Variants in PKIB observed in about 807,000 individuals in gnomAD.
The protein encoded by PKIB is cAMP-dependent protein kinase inhibitor beta.
PKIB carries 2 observed loss-of-function variants against 4.5 expected under a neutral mutation model. The ratio of observed to expected loss-of-function variants is 0.44; its 90% CI spans 0.18 to 1.39. The LOEUF (loss-of-function observed/expected upper bound fraction) is 1.39. Ranked by LOEUF, PKIB falls within the 40% of genes most tolerant of loss-of-function variation. PKIB has a pLI of 0.27. For synonymous variants in PKIB, 38 were observed against 36.0 expected, an observed-to-expected ratio of 1.06 and a Z score of -0.20; for missense variants, 94 against 92.6, an observed-to-expected ratio of 1.02 and a Z score of -0.06.
At chr6:122,659,284 G>A (rs956382723) in intron 2 of PKIB, among the ~76,000 whole-genome samples, 2 of 152,082 alleles carry the variant, frequency 1.3e-5, no homozygotes, top group South Asian at 2.1e-4. Context: ...AGAGTTCTAC[G>A]TACATGTGGA....
intron 3 of PKIB, among the ~76,000 whole-genome samples, chr6:122,694,584 G>A (rs967446318): frequency 2.0e-5 from 3 of 152,160 alleles, no homozygotes; most frequent in African/African-American, 7.2e-5. Context: ...ATTTAATCAA[G>A]TGTTAAAGTG....
intron 2 of PKIB, among the ~76,000 whole-genome samples, chr6:122,492,311 C>T: frequency 6.6e-6 from 1 of 152,074 alleles, no homozygotes; most frequent in East Asian, 1.9e-4. Flanking sequence ...AAAAACTGAG[C>T]AGAGGAAAAG....
intron 2 of PKIB, among the ~76,000 whole-genome samples, chr6:122,583,902 T>C (rs1027534312): frequency 8.5e-5 from 13 of 152,118 alleles, no homozygotes; most frequent in Admixed American, 2.6e-4. Flanking sequence ...ATGCCCCTTT[T>C]CGCAGTTTCA....
chr6:122,711,274 T>C (rs1333347381), intron 3 of PKIB, among the ~76,000 whole-genome samples: 2 of 152,178 alleles, frequency 1.3e-5, no homozygotes, highest in East Asian at 3.9e-4. Flanking sequence ...TCCCTGTAGA[T>C]AGCTGGGTTT....
intron 1 of PKIB, among the ~76,000 whole-genome samples, chr6:122,626,601 G>A (rs1273369979): frequency 6.6e-6 from 1 of 152,194 alleles, no homozygotes; most frequent in African/African-American, 2.4e-5. Context: ...CAGCCTTCCA[G>A]GAAGAGCAAA....
At chr6:122,595,367 A>G (rs2114731071) in intron 3 of PKIB, among the ~76,000 whole-genome samples, 1 of 152,310 alleles carries the variant, frequency 6.6e-6, no homozygotes, top group South Asian at 2.1e-4. Flanking sequence ...AAACATGGTA[A>G]GACTAGTGAA....
intron 2 of PKIB, among the ~76,000 whole-genome samples, chr6:122,669,278 T>C (rs1296945967): frequency 6.6e-6 from 1 of 152,212 alleles, no homozygotes; most frequent in Non-Finnish European, 1.5e-5. Flanking sequence ...TGTTCAGAAC[T>C]GTAATTAATG....
intron 1 of PKIB, among the ~76,000 whole-genome samples, chr6:122,620,258 T>C (rs1397719350): frequency 6.6e-6 from 1 of 152,198 alleles, no homozygotes; most frequent in Non-Finnish European, 1.5e-5. Context: ...CTCCCATCCT[T>C]CTTCTGTCCT....
At position 122,636,423 on chromosome 6, in the gene PKIB, A is replaced by G. The variant is rs554033823; in HGVS notation, c.-76+3056A>G. Among the ~76,000 whole-genome samples, 66 of 152,186 alleles carry G rather than the reference A, an allele frequency of 4.3e-4. 1 individual carries two copies. The South Asian group carries it at 0.013, about 31-fold the overall frequency. ...TTTCTATGACAGCAACAAATAAAAA[A>G]CATTTAAAAATCTCATCATAACAAT... On this transcript the variant is annotated intron_variant, in intron 2 of 4. Coordinates refer to ENST00000368452, the MANE Select transcript of PKIB (RefSeq NM_181795.3).
chr6:122,498,010 C>T (rs1190898069), intron 2 of PKIB, among the ~76,000 whole-genome samples: 3 of 152,138 alleles, frequency 2.0e-5, no homozygotes, highest in Non-Finnish European at 2.9e-5. Context: ...ATAATACCAA[C>T]CATACTTTTG....
At chr6:122,614,104 T>A (rs772476490) in intron 1 of PKIB, among the ~76,000 whole-genome samples, 21 of 152,198 alleles carry the variant, frequency 1.4e-4, no homozygotes, top group Non-Finnish European at 2.6e-4. Context: ...GGATTTGTGT[T>A]CTTCAGTCAC....
chr6:122,706,864 T>C (rs748357340), intron 3 of PKIB, among the ~76,000 whole-genome samples: 26 of 152,106 alleles, frequency 1.7e-4, no homozygotes, highest in South Asian at 4.1e-4. Context: ...AGGGAATAAC[T>C]ATTATAATTT....
chr6:122,713,212 C>T (rs1779341888), intron 3 of PKIB, among the ~76,000 whole-genome samples: 1 of 152,078 alleles, frequency 6.6e-6, no homozygotes, highest in Non-Finnish European at 1.5e-5. Context: ...TGTGGGATTG[C>T]AAGGACTTTT....
chr6:122,520,696 A>T (rs1776915627), intron 2 of PKIB, among the ~76,000 whole-genome samples: 1 of 114,444 alleles, frequency 8.7e-6, no homozygotes, highest in South Asian at 2.9e-4. Context: ...TATTAGTTTG[A>T]TGCAAACAAA....
intron 2 of PKIB, among the ~76,000 whole-genome samples, chr6:122,668,936 T>C (rs1777340084): frequency 1.3e-5 from 2 of 152,348 alleles, no homozygotes; most frequent in South Asian, 2.1e-4. Context: ...AGCCCCTGGC[T>C]GGGTGCGTTG....
At chr6:122,534,180 ATATAT>A (rs575080430) in intron 2 of PKIB, among the ~76,000 whole-genome samples, 209 of 148,854 alleles carry the variant, frequency 1.4e-3, no homozygotes, top group African/African-American at 4.9e-3. Context: ...AACATATATA[ATATAT>A]TATATACAAT....
upstream of PKIB, among the ~76,000 whole-genome samples, chr6:122,605,642 T>C (rs1008467887): frequency 6.6e-6 from 1 of 152,064 alleles, no homozygotes; most frequent in Non-Finnish European, 1.5e-5. Context: ...GAACCACATA[T>C]GTCCTCTGGA....
At chr6:122,505,599 A>C (rs1163763814) in intron 2 of PKIB, among the ~76,000 whole-genome samples, 1 of 152,190 alleles carries the variant, frequency 6.6e-6, no homozygotes, top group Non-Finnish European at 1.5e-5. Context: ...GTCCATTAGT[A>C]GTTTTGGTGA....
At chr6:122,646,409 C>G (rs1046406611) in intron 2 of PKIB, among the ~76,000 whole-genome samples, 2 of 152,146 alleles carry the variant, frequency 1.3e-5, no homozygotes, top group Admixed American at 6.5e-5. Flanking sequence ...TAGCATTTAA[C>G]AGCCTTCTAT....
Sources: allele counts gnomAD v4.1 joint callset (sites outside exome capture counted in the v4.1 genomes callset), GRCh38; gene constraint gnomAD v4.1.1; transcripts MANE v1.5; gene names NCBI Gene and HGNC (gene_info 2026-07-23, HGNC 2026-07-21).